Variants in SCN1A observed in about 807,000 individuals in gnomAD.
The protein encoded by SCN1A is sodium voltage-gated channel alpha subunit 1, also known as sodium channel protein type 1 subunit alpha.
Under a neutral mutation model 193.7 loss-of-function variants are expected in SCN1A, and 13 were observed. The observed-to-expected ratio is 0.07, with a 90% CI of 0.04 to 0.11. The LOEUF is 0.11. SCN1A is among the 10% of genes least tolerant of loss of function. SCN1A has a pLI of 1.00. For missense variants in SCN1A, 1,432 were observed against 2,451.1 expected (o/e 0.58, Z 8.78); for synonymous variants, 781 against 843.6 (o/e 0.93, Z 1.29).
At chr2:166,024,365 A>G (rs1340756527) in intron 19 of SCN1A, among the ~76,000 whole-genome samples, 1 of 152,228 alleles carries the variant, frequency 6.6e-6, no homozygotes, top group East Asian at 1.9e-4. Context: ...TTTCACTATT[A>G]GCTGTATATG....
intron 7 of SCN1A, 39 bp from the exon 8 acceptor site, chr2:166,052,982 C>A (rs1192231582): frequency 6.5e-7 from 1 of 1,547,116 alleles, no homozygotes; most frequent in Non-Finnish European, 8.9e-7. Flanking sequence ...AAAAACAGGA[C>A]ACAAAGAAAA....
At chr2:166,005,047 G>C (rs766783411) in intron 23 of SCN1A, among the ~76,000 whole-genome samples, 7 of 151,404 alleles carry the variant, frequency 4.6e-5, no homozygotes, top group Non-Finnish European at 1.0e-4. Context: ...ATTTAGTGCT[G>C]TTTCCAGTCT....
At chr2:166,131,817 TATTA>T (rs1160469426), upstream of SCN1A, among the ~76,000 whole-genome samples, 1 of 152,222 alleles carries the variant, frequency 6.6e-6, no homozygotes, top group South Asian at 2.1e-4. Flanking sequence ...GAAGAGAATT[TATTA>T]ATTAACTTTA....
At position 165,992,183 on chromosome 2, in the gene SCN1A, C is replaced by G. The variant is rs548487014; in HGVS notation, c.5092G>C (p.Glu1698Gln). 1 of 1,613,840 alleles carries G rather than the reference C, an allele frequency of 6.2e-7. No homozygotes were observed. Among genetic ancestry groups the G allele is most frequent in the Admixed American group, 1.7e-5 (1 of 59,970 alleles). ...GMSNFAYVKR[E>Q]VGIDDMFNFE... is the part of the protein sequence containing the mutation. ...TTGAACATGTCATCGATCCCAACTT[C>G]CCTCTTAACATAGGCAAAGTTGGAC... Residue 1698 changes from glutamate (E) to glutamine (Q), a missense_variant, in exon 29 of 29, where the codon GAA becomes CAA. Physicochemically the swap from Glu to Gln is conservative, Grantham distance 29. Around this residue, in one of 18 missense-constraint regions of SCN1A, gnomAD observed 85 missense variants for 213.2 expected, o/e 0.40. Transcript: ENST00000674923. This position sits in a 1 kb window ranked among gnomAD's most constrained non-coding sequence, Gnocchi z 6.5.
At chr2:166,136,476 C>G (rs1238083105) in intron 1 of SCN1A, among the ~76,000 whole-genome samples, 1 of 152,026 alleles carries the variant, frequency 6.6e-6, no homozygotes, top group African/African-American at 2.4e-5. Context: ...AATGAGTGTT[C>G]TCTCTCCCCT....
In SCN1A at chr2:166,058,517, G is replaced by A. The variant is rs1699344624; in HGVS notation, c.383+53C>T. On this transcript the variant is annotated intron_variant, in intron 5 of 28. Transcript: ENST00000674923. Reference sequence around the variant, plus strand: ...ACTTAATTTGATATTTAGCTATAAAGTGCTTACAGATCATGTACAAATAGT... The same window carrying A: ...ACTTAATTTGATATTTAGCTATAAAATGCTTACAGATCATGTACAAATAGT... The A allele has an allele frequency of 5.0e-6, 5 of 990,926 alleles. No homozygotes were observed. The East Asian group carries it at 9.6e-5, about 19-fold the overall frequency. The allele number at this position is 990,926 out of a possible 1,614,324, so 61.4% of individuals were successfully genotyped here. A position where few individuals can be genotyped will look rare whatever the true frequency, so the allele number is the denominator to read the frequency against.
At chr2:166,123,311 G>A (rs1356779823) in intron 2 of SCN1A, among the ~76,000 whole-genome samples, 1 of 149,488 alleles carries the variant, frequency 6.7e-6, no homozygotes, top group Non-Finnish European at 1.5e-5. Context: ...GCCACTATGG[G>A]GGATGTAAAC....
intron 2 of SCN1A, among the ~76,000 whole-genome samples, chr2:166,113,192 C>A (rs981058717): frequency 1.3e-5 from 2 of 150,200 alleles, no homozygotes; most frequent in African/African-American, 2.4e-5. Flanking sequence ...GGCTGTCAGA[C>A]AATTGAGTGG....
In SCN1A at chr2:165,991,331, A is replaced by G; in HGVS notation, c.5944T>C (p.Cys1982Arg). The change falls in exon 29 of 29, where the codon TGT (cysteine) becomes CGT (arginine). Residue 1982 changes from cysteine to arginine, a missense_variant. Physicochemically the swap from Cys to Arg is radical, Grantham distance 180. Around this residue, in one of 18 missense-constraint regions of SCN1A, gnomAD observed 148 missense variants for 160.3 expected, o/e 0.92. Coordinates refer to ENST00000674923, the MANE Select transcript of SCN1A (RefSeq NM_001165963.4). ...GTCACCCGGTCATAGGAAGGTGGAC[A>G]AGCTGCAGTGGACATGGTCAGATCA... is the stretch of plus-strand genomic sequence containing the variant. Reference protein sequence around the residue: ...KTDLTMSTAACPPSYDRVTKP... With the variant: ...KTDLTMSTAARPPSYDRVTKP... The G allele has an allele frequency of 1.2e-6, 2 of 1,613,448 alleles. No homozygotes were observed. The highest frequency in any genetic ancestry group is 1.7e-6 in the Non-Finnish European group (2 of 1,179,784).
At chr2:166,108,659 G>A (rs892037291) in intron 2 of SCN1A, among the ~76,000 whole-genome samples, 1 of 152,110 alleles carries the variant, frequency 6.6e-6, no homozygotes, top group African/African-American at 2.4e-5. Context: ...CATGCTGTTA[G>A]GTGAGTGAAT....
At chr2:166,012,071 C>G in intron 22 of SCN1A, 38 bp downstream of exon 22, 2 of 1,587,152 alleles carry the variant, frequency 1.3e-6, no homozygotes, top group Non-Finnish European at 1.7e-6. Flanking sequence ...ATAAGACAAG[C>G]TACCTTGAAC....
At chr2:166,014,839 A>G (rs934956060) in intron 20 of SCN1A, among the ~76,000 whole-genome samples, 9 of 151,796 alleles carry the variant, frequency 5.9e-5, no homozygotes, top group African/African-American at 1.2e-4. Context: ...AGGATAATGT[A>G]TATTATCGGG....
intron 12 of SCN1A, 93 bp from the exon 13 acceptor site, chr2:166,045,420 A>T: frequency 7.4e-7 from 1 of 1,353,312 alleles, no homozygotes; most frequent in Non-Finnish European, 1.0e-6. Context: ...TTTAAAAAAT[A>T]TATTGAACTG....
chr2:166,121,813 T>C (rs1690632483), intron 2 of SCN1A, among the ~76,000 whole-genome samples: 1 of 152,194 alleles, frequency 6.6e-6, no homozygotes, highest in African/African-American at 2.4e-5. Context: ...AATCCATATG[T>C]TGGAGTCTCA....
At chr2:166,088,721 G>C (rs538902669) in intron 2 of SCN1A, among the ~76,000 whole-genome samples, 1 of 152,264 alleles carries the variant, frequency 6.6e-6, no homozygotes, top group Non-Finnish European at 1.5e-5. Flanking sequence ...GCTAGGTAGG[G>C]CATTATTGTT....
At chr2:166,017,834 A>G (rs1191473624) in intron 19 of SCN1A, among the ~76,000 whole-genome samples, 1 of 152,042 alleles carries the variant, frequency 6.6e-6, no homozygotes, top group African/African-American at 2.4e-5. Flanking sequence ...TTCTATATAT[A>G]TAATTGTTAT....
chr2:166,092,407 T>C (rs1330827197), intron 2 of SCN1A: 1 of 152,216 alleles, frequency 6.6e-6, no homozygotes, highest in Non-Finnish European at 1.5e-5. Context: ...ATTACAAATA[T>C]AAAAAAGCAA....
rs1688582515 is a variant in SCN1A at position 165,985,947 on chromosome 2, TTG to T, written c.*5296_*5297del. On this transcript the variant is annotated 3_prime_UTR_variant, in exon 29 of 29. Transcript: ENST00000674923. Reference sequence around the variant, plus strand: ...TTTATATAGTTCGAGTGTCTGGGCTTTGTGATACAGATATACAAACATACAAA... The same window carrying T: ...TTTATATAGTTCGAGTGTCTGGGCTTTGATACAGATATACAAACATACAAA... 1 of 152,146 alleles carries T rather than the reference TTG, an allele frequency of 6.6e-6. No individual in the cohort carries two copies. The highest frequency in any genetic ancestry group is 1.5e-5 in the Non-Finnish European group (1 of 68,014). 9.4% of individuals were successfully genotyped at this position (152,146 alleles called of 1,614,324 possible). A position where few individuals can be genotyped will look rare whatever the true frequency, so the allele number is the denominator to read the frequency against.
Position 166,044,034 on chromosome 2 carries a change from G to C in SCN1A, c.1678C>G (p.Arg560Gly), listed in dbSNP as rs768764142. 1 of 1,614,080 alleles carries C rather than the reference G, an allele frequency of 6.2e-7. No homozygotes were observed. Among genetic ancestry groups the C allele is most frequent in the Non-Finnish European group, 8.5e-7 (1 of 1,180,010 alleles). Residue 560 changes from arginine (R) to glycine (G), a missense_variant, in exon 14 of 29, where the codon CGT becomes GGT. Physicochemically the swap from Arg to Gly is moderately radical, Grantham distance 125 (BLOSUM62 -2). Around this residue, in one of 18 missense-constraint regions of SCN1A, gnomAD observed 316 missense variants for 362.1 expected, o/e 0.87. Coordinates refer to ENST00000674923, the MANE Select transcript of SCN1A (RefSeq NM_001165963.4). ...CGCCTTGGTGAAAATAGGGAGCCAC[G>C]GATGCTCAACAAAGACTAGAAGTTT... ...SSPHQSLLSI[R>G]GSLFSPRRNS...
Sources: allele counts gnomAD v4.1 joint callset (sites outside exome capture counted in the v4.1 genomes callset), GRCh38; gene constraint gnomAD v4.1.1; regional missense constraint gnomAD v4.1.1; non-coding constraint Gnocchi (gnomAD v3.1); transcripts MANE v1.5; gene names NCBI Gene and HGNC (gene_info 2026-07-23, HGNC 2026-07-21).